The following RARS2 variants were observed in gnomAD, a reference collection of about 807,000 sequenced individuals.
The protein encoded by RARS2 is probable arginine--tRNA ligase, mitochondrial.
A neutral mutation model predicts 88.5 loss-of-function variants in RARS2; 67 were observed. The observed-to-expected ratio is 0.76, with a 90% CI of 0.62 to 0.93. The LOEUF (loss-of-function observed/expected upper bound fraction) is 0.93, where lower values mean the gene tolerates loss of function less well. Ranked by LOEUF, RARS2 falls within the 40% of genes least tolerant of loss-of-function variation. The pLI is 0.00. For missense variants in RARS2, 664 were observed against 684.2 expected (o/e 0.97, Z 0.33); for synonymous variants, 239 against 230.3 (o/e 1.04, Z -0.34).
At chr6:87,545,498 AAATAGG>A in intron 7 of RARS2, 112 bp downstream of exon 7, 1 of 1,352,044 alleles carries the variant, frequency 7.4e-7, no homozygotes, top group Non-Finnish European at 1.0e-6. Context: ...AAAAAAAAAA[AAATAGG>A]TAGGACATAC....
At chr6:87,529,428 T>TA (rs919724457) in intron 10 of RARS2, 114 bp downstream of exon 10, 66 of 767,616 alleles carry the variant, frequency 8.6e-5, no homozygotes, top group African/African-American at 5.7e-4. Context: ...AAAAGCACTA[T>TA]AAAAAATCCC....
chr6:87,529,158 A>G (rs1202181268), intron 10 of RARS2, among the ~76,000 whole-genome samples: 1 of 152,186 alleles, frequency 6.6e-6, no homozygotes, highest in Non-Finnish European at 1.5e-5. Flanking sequence ...TAGTATACTT[A>G]TCTTCACACA....
intron 4 of RARS2, 23 bp from the exon 5 acceptor site, chr6:87,555,528 T>G: frequency 6.5e-7 from 1 of 1,539,022 alleles, no homozygotes. Context: ...GGACTGTAAT[T>G]TAATGAACAA....
intron 1 of RARS2, among the ~76,000 whole-genome samples, chr6:87,569,919 G>A (rs866945646): frequency 2.7e-5 from 4 of 150,270 alleles, no homozygotes; most frequent in Non-Finnish European, 5.9e-5. Flanking sequence ...TATGGCAAGA[G>A]AGGAGATAAA....
intron 5 of RARS2, among the ~76,000 whole-genome samples, chr6:87,554,922 G>C (rs1488795491): frequency 6.6e-6 from 1 of 151,996 alleles, no homozygotes; most frequent in Non-Finnish European, 1.5e-5. Context: ...CTAACACAGT[G>C]AAACCCTGTC....
intron 10 of RARS2, among the ~76,000 whole-genome samples, chr6:87,525,296 G>C (rs1775307557): frequency 6.6e-6 from 1 of 152,130 alleles, no homozygotes; most frequent in African/African-American, 2.4e-5. Flanking sequence ...TAGCTGACAG[G>C]AAGCTAAAAG....
intron 10 of RARS2, among the ~76,000 whole-genome samples, chr6:87,525,230 T>C (rs1030811258): frequency 2.0e-5 from 3 of 152,224 alleles, no homozygotes; most frequent in Non-Finnish European, 4.4e-5. Context: ...TCTTAAGCAA[T>C]TGGTTTGCCT....
chr6:87,522,325 G>A (rs1372644625), intron 11 of RARS2, among the ~76,000 whole-genome samples: 21 of 111,620 alleles, frequency 1.9e-4, no homozygotes, highest in African/African-American at 5.8e-4. Flanking sequence ...GCAAGACACC[G>A]TCTCAATTAA....
At chr6:87,548,034 T>G (rs1233455170) in intron 6 of RARS2, among the ~76,000 whole-genome samples, 1 of 152,206 alleles carries the variant, frequency 6.6e-6, no homozygotes, top group Non-Finnish European at 1.5e-5. Context: ...ATTCGTGTTT[T>G]TTAATTTTGA....
In RARS2 at chr6:87,586,990, C is replaced by A. The variant is rs555609910; in HGVS notation, c.36+2932G>T. Reference sequence around the variant, plus strand: ...GTGGCACAATCTTGGCTCATTGCAACCTCCACCTCTCAGGTTCAAGTGATC... The same window carrying A: ...GTGGCACAATCTTGGCTCATTGCAAACTCCACCTCTCAGGTTCAAGTGATC... On this transcript the variant is annotated intron_variant, in intron 1 of 19. Coordinates refer to ENST00000369536, the MANE Select transcript of RARS2 (RefSeq NM_020320.5). 1.4e-4 allele frequency among the ~76,000 whole-genome samples: 21 copies of A among 152,138 alleles called. No homozygotes were observed. The South Asian group carries it at 3.9e-3, about 28-fold the overall frequency.
intron 8 of RARS2, among the ~76,000 whole-genome samples, chr6:87,531,564 A>G (rs1329340233): frequency 6.6e-6 from 1 of 152,234 alleles, no homozygotes; most frequent in Non-Finnish European, 1.5e-5. Context: ...GATAGTTAGT[A>G]TAATTATACT....
chr6:87,548,438 T>C (rs1362694986), intron 6 of RARS2, among the ~76,000 whole-genome samples, 153 bp downstream of exon 6: 1 of 152,218 alleles, frequency 6.6e-6, no homozygotes, highest in African/African-American at 2.4e-5. Flanking sequence ...GTGTAACCAA[T>C]GTCATCCATT....
rs1276144991 is a variant in RARS2, at chr6:87,547,718, C to T, written c.451+873G>A. Among the ~76,000 whole-genome samples the T allele has an allele frequency of 2.0e-5, 3 of 151,898 alleles. No individual in the cohort carries two copies. In the East Asian group the frequency reaches 5.8e-4, roughly 29 times the overall value. On this transcript the variant is annotated intron_variant, in intron 6 of 19. Coordinates refer to ENST00000369536, the MANE Select transcript of RARS2 (RefSeq NM_020320.5). ...TAGTGCAGTGGTGCGCAGCTCACTGCAACCTCTGCCTCCCGGGTTCAAGCG... is the reference window on the plus strand; with the variant it reads ...TAGTGCAGTGGTGCGCAGCTCACTGTAACCTCTGCCTCCCGGGTTCAAGCG...
chr6:87,544,420 A>G (rs1781962294), intron 7 of RARS2, among the ~76,000 whole-genome samples: 2 of 152,370 alleles, frequency 1.3e-5, no homozygotes, highest in South Asian at 4.1e-4. Context: ...TTCAAGGAAC[A>G]TGCCTAGTAG....
intron 6 of RARS2, 89 bp from the exon 7 acceptor site, chr6:87,545,788 T>A: frequency 6.9e-7 from 1 of 1,444,094 alleles, no homozygotes; most frequent in Non-Finnish European, 9.4e-7. Flanking sequence ...CAAACATAAG[T>A]AGAAAATTCT....
intron 6 of RARS2, among the ~76,000 whole-genome samples, chr6:87,546,063 C>T (rs1310740565): frequency 2.0e-5 from 3 of 151,958 alleles, no homozygotes; most frequent in Admixed American, 6.6e-5. Context: ...CCCTAAGAAC[C>T]GAAGCCTCAC....
At chr6:87,576,953 G>T (rs1377680718) in intron 1 of RARS2, among the ~76,000 whole-genome samples, 1 of 152,164 alleles carries the variant, frequency 6.6e-6, no homozygotes, top group Non-Finnish European at 1.5e-5. Context: ...TAATTTAACG[G>T]TGATATTATA....
At chr6:87,542,953 T>A (rs530758507) in intron 7 of RARS2, among the ~76,000 whole-genome samples, 124 of 151,456 alleles carry the variant, frequency 8.2e-4, no homozygotes, top group Non-Finnish European at 1.4e-3. Context: ...ACCCTAGAAC[T>A]TAAAGTATAA....
intron 10 of RARS2, among the ~76,000 whole-genome samples, chr6:87,526,544 C>T (rs1775780826): frequency 6.6e-6 from 1 of 151,742 alleles, no homozygotes; most frequent in Admixed American, 6.6e-5. Flanking sequence ...AGAGGCATCG[C>T]ACTACCTAAT....
Sources: gnomAD v4.1 joint callset for allele counts (sites outside exome capture counted in the v4.1 genomes callset) on GRCh38, gnomAD v4.1.1 for gene constraint, MANE v1.5 for transcripts, NCBI Gene and HGNC (gene_info 2026-07-23, HGNC 2026-07-21) for gene names.